Variants in THRSP observed in about 807,000 individuals in gnomAD.
The protein encoded by THRSP is thyroid hormone-inducible hepatic protein.
In THRSP, 9 loss-of-function variants were observed where a neutral mutation model predicts 11.1. The ratio of observed to expected loss-of-function variants is 0.81; its 90% confidence interval spans 0.49 to 1.42. The LOEUF is 1.42. Among genes scored for constraint, THRSP ranks in the 40% most tolerant of loss-of-function variants. The probability of loss-of-function intolerance (pLI) is 0.00; values close to 1 mark genes in which losing one functional copy is unlikely to be tolerated. For synonymous variants in THRSP, 73 were observed against 78.1 expected (o/e 0.94, Z 0.34); for missense variants, 177 against 188.2 (o/e 0.94, Z 0.35).
At chr11:78,064,706 T>C (rs371563106) in intron 1 of THRSP, among the ~76,000 whole-genome samples, 67 of 152,162 alleles carry the variant, frequency 4.4e-4, no homozygotes, top group Non-Finnish European at 9.0e-4. Flanking sequence ...AAGAATTTAA[T>C]TGAAGAGGGG....
intron 1 of THRSP, 128 bp downstream of exon 1, chr11:78,064,469 G>A (rs1372487708): frequency 3.8e-6 from 3 of 798,418 alleles, no homozygotes; most frequent in Non-Finnish European, 3.9e-6. Context: ...TTGGGTCAGG[G>A]TATTGGGACC....
chr11:78,065,810 G>A (rs1406632104), intron 1 of THRSP, among the ~76,000 whole-genome samples: 1 of 152,202 alleles, frequency 6.6e-6, no homozygotes, highest in Non-Finnish European at 1.5e-5. Flanking sequence ...GAATAAACAT[G>A]GGACCCCCAA....
At chr11:78,065,183 C>G (rs1306762005) in intron 1 of THRSP, among the ~76,000 whole-genome samples, 1 of 152,104 alleles carries the variant, frequency 6.6e-6, no homozygotes, top group Non-Finnish European at 1.5e-5. Flanking sequence ...CTGACCATCC[C>G]AGGTTGGAAC....
At chr11:78,065,290 T>G (rs1203975367) in intron 1 of THRSP, among the ~76,000 whole-genome samples, 3 of 152,106 alleles carry the variant, frequency 2.0e-5, no homozygotes. Flanking sequence ...CCCTGTTGTA[T>G]GTACATATGA....
chr11:78,064,014 C>T lies in THRSP; in HGVS notation c.133C>T (p.Pro45Ser). ...TCTGCGGGACGTGCAGCTGAGTGGG[C>T]CTGGGGGCCAGGCCCAGGCTGAGGC... is the stretch of plus-strand genomic sequence containing the variant. Reference protein sequence around the residue: ...SLLRDVQLSGPGGQAQAEAPD... With the variant: ...SLLRDVQLSGSGGQAQAEAPD... The change falls in exon 1 of 2, where the codon CCT (proline) becomes TCT (serine). Residue 45 changes from proline to serine, a missense_variant. Physicochemically the swap from Pro to Ser is moderately conservative, Grantham distance 74. Coordinates refer to ENST00000281030, the MANE Select transcript of THRSP (RefSeq NM_003251.4). 2 of 1,614,108 alleles carry T rather than the reference C, an allele frequency of 1.2e-6. No homozygotes were observed. The highest frequency in any genetic ancestry group is 1.3e-5 in the African/African-American group (1 of 75,042).
intron 1 of THRSP, 117 bp downstream of exon 1, chr11:78,064,458 C>A: frequency 1.1e-6 from 1 of 897,896 alleles, no homozygotes; most frequent in Non-Finnish European, 1.7e-6. Context: ...CAGAGCCACT[C>A]TTGGGTCAGG....
At chr11:78,065,518 C>T (rs1858711762) in intron 1 of THRSP, among the ~76,000 whole-genome samples, 1 of 152,146 alleles carries the variant, frequency 6.6e-6, no homozygotes, top group Non-Finnish European at 1.5e-5. Context: ...ACCTGCCAGC[C>T]CTGCTCCCAC....
chr11:78,065,973 G>A (rs10899435), intron 1 of THRSP, among the ~76,000 whole-genome samples: 59,289 of 151,974 alleles, frequency 0.39, 12,116 homozygotes, highest in Non-Finnish European at 0.45. Context: ...AATTAGATGG[G>A]GCTGTGTCAA....
In THRSP at chr11:78,063,888, G is replaced by C. The variant is rs1402815155; in HGVS notation, c.7G>C (p.Val3Leu). MQ[V>L]LTKRYPKNCL... ...TGTGTCAGAGGAAGCAACCATGCAG[G>C]TGCTAACCAAGCGTTACCCCAAGAA... The change falls in exon 1 of 2, where the codon GTG becomes CTG. Residue 3 changes from valine to leucine, a missense_variant. Transcript: ENST00000281030. 1.3e-6 allele frequency: 2 copies of C among 1,566,166 alleles called. No homozygotes were observed. The highest frequency in any genetic ancestry group is 1.7e-6 in the Non-Finnish European group (2 of 1,156,864).
intron 1 of THRSP, among the ~76,000 whole-genome samples, chr11:78,066,697 C>T (rs1858752543): frequency 6.6e-6 from 1 of 152,142 alleles, no homozygotes; most frequent in Non-Finnish European, 1.5e-5. Context: ...GCTTCAAAGG[C>T]CAGAGCAGCA....
chr11:78,064,366 G>T, intron 1 of THRSP, 25 bp downstream of exon 1: 2 of 1,557,696 alleles, frequency 1.3e-6, no homozygotes, highest in Non-Finnish European at 1.7e-6. Flanking sequence ...GCTGGTGGGT[G>T]TGAGTCTACA....
At chr11:78,064,998 A>AC (rs1444884586) in intron 1 of THRSP, among the ~76,000 whole-genome samples, 2 of 151,632 alleles carry the variant, frequency 1.3e-5, no homozygotes, top group African/African-American at 2.4e-5. Context: ...CAAAAAAAAA[A>AC]AAAAAACTTA....
Position 78,064,157 on chromosome 11 carries a change from C to A in THRSP, c.276C>A (p.Thr92=). The A allele has an allele frequency of 3.7e-6, 6 of 1,614,076 alleles. No individual in the cohort carries two copies. Among genetic ancestry groups the A allele is most frequent in the Non-Finnish European group, 5.1e-6 (6 of 1,180,010 alleles). The change falls in exon 1 of 2, where the codon ACC becomes ACA. Residue 92 remains threonine (T), a synonymous_variant. Coordinates refer to ENST00000281030, the MANE Select transcript of THRSP (RefSeq NM_003251.4). ...AKVAGSEENG[T]AETEEVEDES... ...TGGCAGGCAGCGAAGAGAATGGAAC[C>A]GCAGAGACAGAGGAAGTCGAGGACG...
intron 1 of THRSP, 72 bp downstream of exon 1, chr11:78,064,413 C>G (rs1858673033): frequency 1.5e-6 from 2 of 1,348,888 alleles, no homozygotes; most frequent in African/African-American, 1.5e-5. Flanking sequence ...GGCAGTGGTG[C>G]AACCCACTGG....
intron 1 of THRSP, among the ~76,000 whole-genome samples, chr11:78,067,124 C>CTTT (rs35866233): frequency 3.1e-5 from 4 of 130,896 alleles, no homozygotes; most frequent in South Asian, 2.4e-4. Context: ...CGCACCCAAC[C>CTTT]TTTTTTTTTT....
intron 1 of THRSP, among the ~76,000 whole-genome samples, chr11:78,066,473 C>G (rs962753225): frequency 6.6e-6 from 1 of 152,078 alleles, no homozygotes; most frequent in Admixed American, 6.6e-5. Flanking sequence ...CCTATCATTC[C>G]CTTTTGCAGA....
intron 1 of THRSP, among the ~76,000 whole-genome samples, chr11:78,066,400 C>T (rs1379337768): frequency 2.0e-5 from 3 of 152,134 alleles, no homozygotes; most frequent in Admixed American, 1.3e-4. Flanking sequence ...CTCCTGACCT[C>T]GTGATCCACC....
intron 1 of THRSP, among the ~76,000 whole-genome samples, chr11:78,064,648 T>C (rs1858680244): frequency 6.6e-6 from 1 of 152,170 alleles, no homozygotes; most frequent in Admixed American, 6.6e-5. Flanking sequence ...ATGTGAATGC[T>C]TGTAAATGTG....
chr11:78,064,331 C>A lies in THRSP; in HGVS notation c.*9C>A. On this transcript the variant is annotated 3_prime_UTR_variant, in exon 1 of 2. Transcript: ENST00000281030. ...CGGGACAAGTTTGGTAGACCTTGGA[C>A]ACTAGGGAAGGTAATGGTGGCCATG... 1 of 1,599,412 alleles carries A rather than the reference C, an allele frequency of 6.3e-7. No individual in the cohort carries two copies. The highest frequency in any genetic ancestry group is 8.5e-7 in the Non-Finnish European group (1 of 1,172,230).
Sources: allele counts gnomAD v4.1 joint callset (sites outside exome capture counted in the v4.1 genomes callset), GRCh38; gene constraint gnomAD v4.1.1; transcripts MANE v1.5; gene names NCBI Gene and HGNC (gene_info 2026-07-23, HGNC 2026-07-21).